The following KCNMB3 variants were observed in gnomAD, a reference collection of about 807,000 sequenced individuals.
KCNMB3 encodes the protein potassium calcium-activated channel subfamily M regulatory beta subunit 3, also known as calcium-activated potassium channel subunit beta-3.
In KCNMB3, 18 loss-of-function variants were observed where a neutral mutation model predicts 11.9. That is an observed-to-expected ratio of 1.51 (90% confidence interval 1.04 to 2.23). The LOEUF is 2.23. Among genes scored for constraint, KCNMB3 ranks in the 30% most tolerant of loss-of-function variants. The pLI, the probability that KCNMB3 is intolerant of heterozygous loss-of-function variation, is 0.00. For synonymous variants in KCNMB3, 78 were observed against 119.2 expected, an observed-to-expected ratio of 0.65 and a Z score of 2.25; for missense variants, 247 against 329.4, an observed-to-expected ratio of 0.75 and a Z score of 1.94.
chr3:179,250,414 A>G (rs959040603), intron 1 of KCNMB3, among the ~76,000 whole-genome samples: 1 of 152,222 alleles, frequency 6.6e-6, no homozygotes, highest in African/African-American at 2.4e-5. Flanking sequence ...ACAAGGTTTA[A>G]CTCTCTCTTG....
chr3:179,250,230 T>C (rs1354124749), intron 1 of KCNMB3, among the ~76,000 whole-genome samples: 1 of 152,166 alleles, frequency 6.6e-6, no homozygotes, highest in African/African-American at 2.4e-5. Context: ...TATAAGTGGA[T>C]TCCCGAAGTT....
intron 1 of KCNMB3, among the ~76,000 whole-genome samples, chr3:179,247,715 G>T (rs1576956508): frequency 6.6e-6 from 1 of 152,278 alleles, no homozygotes; most frequent in African/African-American, 2.4e-5. Flanking sequence ...GCTAATACCA[G>T]AGAGAAGCTT....
At position 179,261,260 on chromosome 3, in the gene KCNMB3, G is replaced by A. The variant is rs544813360; in HGVS notation, c.62+5389C>T. On this transcript the variant is annotated intron_variant, in intron 1 of 3. Coordinates refer to the KCNMB3 transcript ENST00000349697. ...GTAGATCTCCCGGCTCTGCGTGGCC[G>A]CGGGGCTGGTCAACCTGCTGGGCTC... 5.3e-6 allele frequency: 7 copies of A among 1,314,840 alleles called. No individual in the cohort carries two copies. In the East Asian group the frequency reaches 1.8e-4, roughly 34 times the overall value. 81.4% of individuals were successfully genotyped at this position (1,314,840 alleles called of 1,614,324 possible).
rs1440591632 is a variant in KCNMB3 at position 179,266,592 on chromosome 3, G to C, written c.62+57C>G. On this transcript the variant is annotated intron_variant, in intron 1 of 3. Coordinates refer to the KCNMB3 transcript ENST00000349697. The stretch of plus-strand genomic sequence containing the variant: ...CAAGCTCGAGATGTCCCCTCTTCTT[G>C]CAACTGCTTGTTCAGCCAGATTCCC... 5.6e-6 allele frequency: 9 copies of C among 1,599,936 alleles called. No individual in the cohort carries two copies. The East Asian group carries it at 1.8e-4, about 32-fold the overall frequency.
chr3:179,257,165 A>T (rs938465038), intron 1 of KCNMB3, among the ~76,000 whole-genome samples: 3 of 152,240 alleles, frequency 2.0e-5, no homozygotes, highest in African/African-American at 7.2e-5. Flanking sequence ...CTATCTCTAA[A>T]AAAACTGTTT....
rs60270913 is a variant in KCNMB3, at chr3:179,263,800, C to CTTTTTTTTTTTTTT, written c.62+2835_62+2848dup. 1.3e-3 allele frequency among the ~76,000 whole-genome samples: 76 copies of CTTTTTTTTTTTTTT among 59,976 alleles called. 1 individual carries two copies. The highest frequency in any genetic ancestry group is 4.5e-3 in the African/African-American group (64 of 14,326). The allele number at this position is 59,976 out of a possible 152,430, so 39.3% of individuals were successfully genotyped here. On this transcript the variant is annotated intron_variant, in intron 1 of 3. Coordinates refer to the KCNMB3 transcript ENST00000349697. ...TCTGTTTTGTTTTTCTTTTTCTTTT[C>CTTTTTTTTTTTTTT]TTTTTTTTTTTTTTTTTTTTTTTGA...
At chr3:179,248,350 T>A (rs1725714555) in intron 1 of KCNMB3, among the ~76,000 whole-genome samples, 1 of 152,200 alleles carries the variant, frequency 6.6e-6, no homozygotes, top group Admixed American at 6.5e-5. Context: ...AGTTGACCCT[T>A]GAACAATTCA....
intron 1 of KCNMB3, chr3:179,260,954 G>C: frequency 9.2e-7 from 1 of 1,085,986 alleles, no homozygotes; most frequent in Non-Finnish European, 1.4e-6. Flanking sequence ...TTCTGCTAGA[G>C]AGTCCTTGAT....
At chr3:179,260,432 T>C in intron 1 of KCNMB3, 1 of 1,613,824 alleles carries the variant, frequency 6.2e-7, no homozygotes, top group South Asian at 1.1e-5. Context: ...TGAATACCTC[T>C]ATGTCCACAC....
At position 179,257,846 on chromosome 3, in the gene KCNMB3, A is replaced by G. The variant is rs963542426; in HGVS notation, c.63-6912T>C. On this transcript the variant is annotated intron_variant, in intron 1 of 3. Coordinates refer to the KCNMB3 transcript ENST00000349697. ...TCCAAACTTGGCTTCCCAATGTGCT[A>G]GGGTTACAGGCATGAAAACATTGTT... Among the ~76,000 whole-genome samples, 8 of 150,678 alleles carry G rather than the reference A, an allele frequency of 5.3e-5. No homozygotes were observed. In the Admixed American group the frequency reaches 5.3e-4, roughly 10 times the overall value.
chr3:179,254,171 G>A (rs1028427031), upstream of KCNMB3, among the ~76,000 whole-genome samples: 1 of 152,148 alleles, frequency 6.6e-6, no homozygotes, highest in Non-Finnish European at 1.5e-5. Flanking sequence ...TCCAACTAGA[G>A]CTGGGACCCC....
downstream of KCNMB3, chr3:179,241,436 T>C (rs1477920815): frequency 6.5e-6 from 1 of 154,400 alleles, no homozygotes; most frequent in Admixed American, 6.5e-5. Context: ...ATCAAGTCAA[T>C]ATTGCTGTAT....
intron 1 of KCNMB3, among the ~76,000 whole-genome samples, chr3:179,256,953 G>A (rs1337678008): frequency 6.6e-6 from 1 of 152,090 alleles, no homozygotes; most frequent in Non-Finnish European, 1.5e-5. Flanking sequence ...CTTGAACCCA[G>A]GAGTTCGAGA....
chr3:179,261,281 G>A (rs958227747), intron 1 of KCNMB3: 1 of 1,280,748 alleles, frequency 7.8e-7, no homozygotes, highest in Admixed American at 4.0e-5. Flanking sequence ...CAACCTGCTG[G>A]GCTCGGCCCG....
At chr3:179,255,788 A>G (rs1020566716), upstream of KCNMB3, among the ~76,000 whole-genome samples, 10 of 152,258 alleles carry the variant, frequency 6.6e-5, no homozygotes, top group Admixed American at 3.9e-4. Flanking sequence ...CTACAAAGAC[A>G]AGAGAAAATC....
chr3:179,243,215 A>ATTC lies in KCNMB3; in HGVS notation c.514_516dup (p.Glu172dup), dbSNP rs747681303. On this transcript the variant is annotated inframe_insertion, in exon 3 of 3. Transcript: ENST00000392685. The stretch of plus-strand genomic sequence containing the variant: ...GGGGTTCCATTTTTGTGATCGAAGA[A>ATTC]TTCTTTTATGTCCAGAGCACTGTTG... 7.3e-7 allele frequency: 1 copy of ATTC among 1,373,528 alleles called. No homozygotes were observed. The highest frequency in any genetic ancestry group is 1.0e-6 in the Non-Finnish European group (1 of 979,380). 85.1% of individuals were successfully genotyped at this position (1,373,528 alleles called of 1,614,324 possible).
chr3:179,257,779 C>CAT (rs1726061774), intron 1 of KCNMB3, among the ~76,000 whole-genome samples: 1 of 152,268 alleles, frequency 6.6e-6, no homozygotes, highest in Admixed American at 6.5e-5. Context: ...GTGGTGCAAT[C>CAT]ATAGCTCACT....
intron 1 of KCNMB3, chr3:179,261,200 G>C: frequency 1.5e-6 from 2 of 1,338,598 alleles, no homozygotes; most frequent in South Asian, 3.0e-5. Flanking sequence ...GGCGAGCCGG[G>C]CCTCCGCCAG....
intron 1 of KCNMB3, chr3:179,259,408 C>A: frequency 1.3e-6 from 2 of 1,594,428 alleles, no homozygotes; most frequent in Non-Finnish European, 8.5e-7. Context: ...GTGACATCCT[C>A]AAAATCTAAT....
Sources: gnomAD v4.1 joint callset for allele counts (sites outside exome capture counted in the v4.1 genomes callset) on GRCh38, gnomAD v4.1.1 for gene constraint, MANE v1.5 for transcripts, NCBI Gene and HGNC (gene_info 2026-07-23, HGNC 2026-07-21) for gene names.